Variants in LRBA observed in about 807,000 individuals in gnomAD.
The protein encoded by LRBA is lipopolysaccharide-responsive and beige-like anchor protein.
Under a neutral mutation model 330.0 loss-of-function variants are expected in LRBA, and 176 were observed. That is an observed-to-expected ratio of 0.53 (90% CI 0.47 to 0.60). The LOEUF is 0.60. LRBA is among the 20% of genes least tolerant of loss of function. The pLI is 0.00. For missense variants in LRBA, 3,259 were observed against 3,444.8 expected, an observed-to-expected ratio of 0.95 and a Z score of 1.35; for synonymous variants, 1,230 against 1,193.0, an observed-to-expected ratio of 1.03 and a Z score of -0.64.
chr4:150,351,683 C>G lies in LRBA; in HGVS notation c.7195-1524G>C, dbSNP rs192147978. Among the ~76,000 whole-genome samples the G allele has an allele frequency of 1.7e-3, 254 of 152,112 alleles. 1 individual carries two copies. The highest frequency in any genetic ancestry group is 0.015 in the East Asian group (78 of 5,168). ...CAGCCTGGGTGACAGAGTGAGACTC[C>G]GTCTCAAAAAACAAAACAAAACAAA... On this transcript the variant is annotated intron_variant, in intron 47 of 56. Transcript: ENST00000651943.
intron 40 of LRBA, among the ~76,000 whole-genome samples, chr4:150,559,810 AT>A (rs1306328472): frequency 1.0e-3 from 72 of 72,332 alleles, no homozygotes; most frequent in Middle Eastern, 7.0e-3. Context: ...TATGTTATAT[AT>A]AATAATATAT....
At chr4:150,591,457 T>C (rs1281008508) in intron 38 of LRBA, among the ~76,000 whole-genome samples, 1 of 152,154 alleles carries the variant, frequency 6.6e-6, no homozygotes, top group Non-Finnish European at 1.5e-5. Flanking sequence ...CTTCCTTCCT[T>C]CACATTACCC....
chr4:150,693,113 A>G (rs946742337), intron 36 of LRBA, among the ~76,000 whole-genome samples: 1 of 152,222 alleles, frequency 6.6e-6, no homozygotes, highest in Non-Finnish European at 1.5e-5. Flanking sequence ...GAAAGAGGTA[A>G]TGAACAGCTA....
chr4:150,561,300 G>T (rs1768303822), intron 40 of LRBA, among the ~76,000 whole-genome samples: 1 of 151,948 alleles, frequency 6.6e-6, no homozygotes, highest in Admixed American at 6.6e-5. Context: ...AAACCACAAA[G>T]GTATAGTGTG....
At chr4:150,704,643 T>C (rs970851921) in intron 36 of LRBA, among the ~76,000 whole-genome samples, 12 of 152,122 alleles carry the variant, frequency 7.9e-5, no homozygotes, top group Admixed American at 7.9e-4. Context: ...ATGCTTATAG[T>C]TCTTATACAA....
chr4:150,590,652 A>G (rs111759139), intron 39 of LRBA, 61 bp downstream of exon 39: 16,559 of 1,485,770 alleles, frequency 0.011, 129 homozygotes, highest in Non-Finnish European at 0.014. Context: ...TGAAAAAGTA[A>G]GTAATTATAT....
chr4:150,625,286 T>A (rs914291961), intron 37 of LRBA, among the ~76,000 whole-genome samples: 1 of 152,100 alleles, frequency 6.6e-6, no homozygotes, highest in Non-Finnish European at 1.5e-5. Flanking sequence ...GAGATATACA[T>A]CATACAAGTG....
intron 37 of LRBA, among the ~76,000 whole-genome samples, chr4:150,643,783 T>C (rs1469829183): frequency 6.6e-6 from 1 of 151,956 alleles, no homozygotes. Context: ...GGATTGTAAA[T>C]TCATAAATAA....
intron 2 of LRBA, among the ~76,000 whole-genome samples, chr4:150,958,572 C>G (rs1363965886): frequency 6.7e-6 from 1 of 149,346 alleles, no homozygotes; most frequent in Non-Finnish European, 1.5e-5. Flanking sequence ...ATTTCTGCAG[C>G]TGGCTTGAAT....
At chr4:150,305,946 C>G (rs145753418) in intron 52 of LRBA, among the ~76,000 whole-genome samples, 209 of 152,186 alleles carry the variant, frequency 1.4e-3, no homozygotes, top group African/African-American at 4.9e-3. Context: ...TGTTCCTCAA[C>G]CTTTATTTTT....
Position 150,905,873 on chromosome 4 carries a change from G to C in LRBA, c.1720C>G (p.Leu574Val). The C allele has an allele frequency of 6.2e-7, 1 of 1,613,610 alleles. No individual in the cohort carries two copies. Among genetic ancestry groups the C allele is most frequent in the Non-Finnish European group, 8.5e-7 (1 of 1,179,682 alleles). The part of the protein sequence containing the change: ...LLKQLCDHVL[L>V]NPAIWIHTPA... ...GTATGAATCCATATGGCAGGATTAA[G>C]AAGAACGTGATCACACAATTGCTTG... The change falls in exon 13 of 57, where the codon CTT becomes GTT. Residue 574 changes from leucine (L) to valine (V), a missense_variant. Physicochemically the swap from Leu to Val is conservative, Grantham distance 32. Transcript: ENST00000651943.
intron 2 of LRBA, among the ~76,000 whole-genome samples, chr4:151,005,765 T>C (rs1355525338): frequency 3.3e-5 from 5 of 151,824 alleles, no homozygotes; most frequent in Non-Finnish European, 7.4e-5. Flanking sequence ...CCACCACGCC[T>C]GGCTAATTTT....
At chr4:150,318,370 G>T (rs1452358343) in intron 50 of LRBA, among the ~76,000 whole-genome samples, 1 of 152,126 alleles carries the variant, frequency 6.6e-6, no homozygotes, top group Non-Finnish European at 1.5e-5. Context: ...ACTACTCAAA[G>T]AACTGAGGGG....
chr4:150,990,457 G>A lies in LRBA; in HGVS notation c.216+23970C>T, dbSNP rs142261149. 4.8e-3 allele frequency among the ~76,000 whole-genome samples: 724 copies of A among 152,222 alleles called. 3 individuals are homozygous for A. Among genetic ancestry groups the A allele is most frequent in the African/African-American group, 0.017 (690 of 41,536 alleles). On this transcript the variant is annotated intron_variant, in intron 2 of 56. Transcript: ENST00000651943. The stretch of plus-strand genomic sequence containing the variant: ...TAAAAGTAATATTTTGCTGGGTATC[G>A]TGACTCATGCCTGTAATCCCAGCAC...
chr4:150,794,527 A>G (rs933331634), intron 34 of LRBA, among the ~76,000 whole-genome samples: 1 of 151,824 alleles, frequency 6.6e-6, no homozygotes, highest in Non-Finnish European at 1.5e-5. Context: ...TAAAATAATC[A>G]TAAGAACTAT....
At chr4:150,655,246 T>C (rs1780072126) in intron 37 of LRBA, among the ~76,000 whole-genome samples, 2 of 152,198 alleles carry the variant, frequency 1.3e-5, no homozygotes, top group African/African-American at 4.8e-5. Context: ...CCTTAAAGGA[T>C]TATATATTAT....
At chr4:150,552,799 G>A (rs1766774289) in intron 40 of LRBA, among the ~76,000 whole-genome samples, 1 of 152,234 alleles carries the variant, frequency 6.6e-6, no homozygotes, top group Non-Finnish European at 1.5e-5. Context: ...GCTGGGCATG[G>A]TGGCTCAAGC....
chr4:150,959,007 G>A (rs543894167), intron 2 of LRBA, among the ~76,000 whole-genome samples: 1 of 149,332 alleles, frequency 6.7e-6, no homozygotes, highest in Admixed American at 6.6e-5. Flanking sequence ...CACATTTTCA[G>A]GTATCTTTAC....
intron 30 of LRBA, among the ~76,000 whole-genome samples, chr4:150,822,728 G>A (rs563537263): frequency 3.3e-5 from 5 of 152,064 alleles, no homozygotes; most frequent in Non-Finnish European, 7.3e-5. Context: ...CTCCAGCCTG[G>A]GTGGCAGAGC....
Sources: allele counts gnomAD v4.1 joint callset (sites outside exome capture counted in the v4.1 genomes callset), GRCh38; gene constraint gnomAD v4.1.1; transcripts MANE v1.5; gene names NCBI Gene and HGNC (gene_info 2026-07-23, HGNC 2026-07-21).